The following RIMBP2 variants were observed in gnomAD, a reference collection of about 807,000 sequenced individuals.
The protein encoded by RIMBP2 is RIMS-binding protein 2.
A neutral mutation model predicts 118.6 loss-of-function variants in RIMBP2; 48 were observed. The ratio of observed to expected loss-of-function variants is 0.40; its 90% CI spans 0.32 to 0.51. The LOEUF (loss-of-function observed/expected upper bound fraction) is 0.51, where lower values mean the gene tolerates loss of function less well. Among genes scored for constraint, RIMBP2 ranks in the 20% least tolerant of loss-of-function variants. The probability of loss-of-function intolerance (pLI) is 0.41; values close to 1 mark genes in which losing one functional copy is unlikely to be tolerated. For missense variants in RIMBP2, 1,551 were observed against 1,768.3 expected, an observed-to-expected ratio of 0.88 and a Z score of 2.20; for synonymous variants, 762 against 742.9, an observed-to-expected ratio of 1.03 and a Z score of -0.42.
intron 19 of RIMBP2, among the ~76,000 whole-genome samples, chr12:130,412,320 A>G (rs2075779304): frequency 6.6e-6 from 1 of 152,174 alleles, no homozygotes; most frequent in Non-Finnish European, 1.5e-5. Context: ...GCAGCTAATC[A>G]TGTGTTTTCT....
rs2061213507 is a variant in RIMBP2, at chr12:130,620,153, G to T, written c.-217+8169C>A. Among the ~76,000 whole-genome samples, 2 of 152,204 alleles carry T rather than the reference G, an allele frequency of 1.3e-5. No individual in the cohort carries two copies. The highest frequency in any genetic ancestry group is 2.9e-5 in the Non-Finnish European group (2 of 68,050). Reference sequence around the variant, plus strand: ...CTGCTTTGGAAGTGGTCTGCTGAGGGCAGTCATGGTGCCTCACCCTCTCCA... The same window carrying T: ...CTGCTTTGGAAGTGGTCTGCTGAGGTCAGTCATGGTGCCTCACCCTCTCCA... On this transcript the variant is annotated intron_variant, in intron 2 of 22. Coordinates refer to ENST00000690449, the MANE Select transcript of RIMBP2 (RefSeq NM_001393629.1). This position sits in a 1 kb window ranked among gnomAD's most constrained non-coding sequence, Gnocchi z 5.3.
intron 2 of RIMBP2, among the ~76,000 whole-genome samples, chr12:130,521,083 G>T (rs116916182): frequency 6.6e-6 from 1 of 152,280 alleles, no homozygotes; most frequent in East Asian, 1.9e-4. Context: ...GGGGAAATCA[G>T]AAAATGCCTA....
At position 130,450,423 on chromosome 12, in the gene RIMBP2, C is replaced by G. The variant is rs2078902282; in HGVS notation, c.505-147G>C. On this transcript the variant is annotated intron_variant, in intron 8 of 22. Transcript: ENST00000690449. The surrounding 1 kb of genome is among the most constrained non-coding windows in gnomAD (Gnocchi z 4.8). Reference sequence around the variant, plus strand: ...GGCACTCCCAGGAGGCACTGCCACCCGCACACCCACATGCGAGCTTGGAAA... The same window carrying G: ...GGCACTCCCAGGAGGCACTGCCACCGGCACACCCACATGCGAGCTTGGAAA... 1 of 656,158 alleles carries G rather than the reference C, an allele frequency of 1.5e-6. No individual in the cohort carries two copies. Among genetic ancestry groups the G allele is most frequent in the South Asian group, 1.7e-5 (1 of 58,486 alleles). The allele number at this position is 656,158 out of a possible 1,614,324, so 40.6% of individuals were successfully genotyped here.
intron 1 of RIMBP2, among the ~76,000 whole-genome samples, chr12:130,638,549 CATAGGA>C (rs2062454365): frequency 6.6e-6 from 1 of 152,146 alleles, no homozygotes; most frequent in Admixed American, 6.5e-5. Context: ...ATTAGGTTCT[CATAGGA>C]ATGTGAACCC....
chr12:130,575,464 A>C (rs566395465), intron 2 of RIMBP2, among the ~76,000 whole-genome samples: 1 of 152,152 alleles, frequency 6.6e-6, no homozygotes, highest in East Asian at 2.0e-4. Context: ...TTTCCATCAA[A>C]GTAAAGCCAA....
intron 2 of RIMBP2, among the ~76,000 whole-genome samples, chr12:130,531,694 C>T (rs1378919009): frequency 6.6e-6 from 1 of 152,236 alleles, no homozygotes; most frequent in African/African-American, 2.4e-5. Flanking sequence ...AGGAATAGAA[C>T]AGTGGTGCCT....
chr12:130,627,611 A>G (rs1042853820), intron 2 of RIMBP2, among the ~76,000 whole-genome samples: 4 of 151,940 alleles, frequency 2.6e-5, no homozygotes, highest in Non-Finnish European at 5.9e-5. Context: ...ATCTCCCCAC[A>G]CTTCTACTGC....
rs1566423219 is a variant in RIMBP2 at position 130,646,353 on chromosome 12, C to CTCCACCTG, written c.-351-17898_-351-17897insCAGGTGGA. Among the ~76,000 whole-genome samples, 31 of 102,036 alleles carry CTCCACCTG rather than the reference C, an allele frequency of 3.0e-4. 7 individuals carry two copies. The highest frequency in any genetic ancestry group is 5.0e-4 in the Non-Finnish European group (23 of 45,862). 66.9% of individuals were successfully genotyped at this position (102,036 alleles called of 152,430 possible). ...TGCCTCACCACCTCCCTCACCACCT[C>CTCCACCTG]CCTCACCACCTCCCTCACCACCTCC... On this transcript the variant is annotated intron_variant, in intron 1 of 22. Transcript: ENST00000690449.
At chr12:130,577,288 G>A (rs550908636) in intron 2 of RIMBP2, among the ~76,000 whole-genome samples, 233 of 152,298 alleles carry the variant, frequency 1.5e-3, no homozygotes, top group Non-Finnish European at 2.6e-3. Context: ...GTGGAAAATG[G>A]TGCCTAATAA....
At chr12:130,453,616 C>T (rs552041486) in intron 7 of RIMBP2, among the ~76,000 whole-genome samples, 13 of 152,344 alleles carry the variant, frequency 8.5e-5, no homozygotes, top group African/African-American at 2.6e-4. Flanking sequence ...CCCCCACTCA[C>T]GTGGGAAACC....
chr12:130,642,331 C>G (rs1042874528), intron 1 of RIMBP2, among the ~76,000 whole-genome samples: 1 of 152,164 alleles, frequency 6.6e-6, no homozygotes, highest in African/African-American at 2.4e-5. Flanking sequence ...ATCACCCAGG[C>G]TAGAGTGCAA....
At position 130,446,845 on chromosome 12, in the gene RIMBP2, A is replaced by G. The variant is rs115812354; in HGVS notation, c.582-1576T>C. The stretch of plus-strand genomic sequence containing the variant: ...GTGCTGTGTGGATGGAGCTTGGTGG[A>G]GGAGTTCCAGCAAAGGAGTTTGGTC... On this transcript the variant is annotated intron_variant, in intron 9 of 22. Transcript: ENST00000690449. This position sits in a 1 kb window ranked among gnomAD's most constrained non-coding sequence, Gnocchi z 4.1. 0.014 allele frequency among the ~76,000 whole-genome samples: 2,130 copies of G among 152,042 alleles called. 51 individuals are homozygous for G. Among genetic ancestry groups the G allele is most frequent in the African/African-American group, 0.049 (2,023 of 41,430 alleles).
intron 2 of RIMBP2, among the ~76,000 whole-genome samples, chr12:130,561,558 C>A (rs4759726): frequency 0.97 from 148,383 of 152,208 alleles, 72,445 homozygotes; most frequent in Middle Eastern, 1. Context: ...GGTAGAGGGA[C>A]GGGTCCTTCT....
chr12:130,535,782 T>TATATATATATAC (rs1491537590), intron 2 of RIMBP2, among the ~76,000 whole-genome samples: 1 of 129,974 alleles, frequency 7.7e-6, no homozygotes, highest in African/African-American at 2.8e-5. Flanking sequence ...TATATATATA[T>TATATATATATAC]ACACATATTT....
At chr12:130,542,049 C>T (rs1226299399) in intron 2 of RIMBP2, among the ~76,000 whole-genome samples, 2 of 150,688 alleles carry the variant, frequency 1.3e-5, no homozygotes, top group East Asian at 4.1e-4. Context: ...AAGGCAAAAC[C>T]CCTATCATAG....
At chr12:130,602,073 T>A (rs370134767) in intron 2 of RIMBP2, among the ~76,000 whole-genome samples, 1 of 152,120 alleles carries the variant, frequency 6.6e-6, no homozygotes, top group South Asian at 2.1e-4. Flanking sequence ...CCGAGGCGGG[T>A]GGATCATCTG....
chr12:130,546,280 GT>G (rs958608047), intron 2 of RIMBP2, among the ~76,000 whole-genome samples: 5 of 151,138 alleles, frequency 3.3e-5, no homozygotes, highest in Non-Finnish European at 7.4e-5. Context: ...AGTTTTTTGT[GT>G]TTTTTGTTAG....
At chr12:130,598,398 T>C (rs2059676836) in intron 2 of RIMBP2, among the ~76,000 whole-genome samples, 2 of 152,142 alleles carry the variant, frequency 1.3e-5, no homozygotes. Flanking sequence ...AAGATCCACA[T>C]TAAAATGCAA....
chr12:130,682,341 C>G (rs1360340713), intron 1 of RIMBP2, among the ~76,000 whole-genome samples: 3 of 152,212 alleles, frequency 2.0e-5, no homozygotes, highest in Non-Finnish European at 4.4e-5. Flanking sequence ...ATGGAAGAAA[C>G]CTGGGTTCCT....
Sources: gnomAD v4.1 joint callset for allele counts (sites outside exome capture counted in the v4.1 genomes callset) on GRCh38, gnomAD v4.1.1 for gene constraint, Gnocchi (gnomAD v3.1) non-coding constraint, MANE v1.5 for transcripts, NCBI Gene and HGNC (gene_info 2026-07-23, HGNC 2026-07-21) for gene names.